The following CSMD1 variants were observed in gnomAD, a reference collection of about 807,000 sequenced individuals.
CSMD1 encodes the protein CUB and sushi domain-containing protein 1.
Under a neutral mutation model 417.5 loss-of-function variants are expected in CSMD1, and 213 were observed. The ratio of observed to expected loss-of-function variants is 0.51; its 90% CI spans 0.46 to 0.57. The LOEUF is 0.57. Among genes scored for constraint, CSMD1 ranks in the 20% least tolerant of loss-of-function variants. The probability of loss-of-function intolerance (pLI) is 0.00; values close to 1 mark genes in which losing one functional copy is unlikely to be tolerated. For missense variants in CSMD1, 6,923 were observed against 4,529.7 expected, an observed-to-expected ratio of 1.53 and a Z score of -15.17; for synonymous variants, 2,862 against 1,736.8, an observed-to-expected ratio of 1.65 and a Z score of -16.11.
At chr8:3,476,285 T>A (rs1228701248) in intron 11 of CSMD1, among the ~76,000 whole-genome samples, 1 of 152,248 alleles carries the variant, frequency 6.6e-6, no homozygotes, top group Non-Finnish European at 1.5e-5. Flanking sequence ...GTTGTGTGTA[T>A]CAGTAGTTTG....
chr8:4,580,387 T>G (rs1441272962), intron 2 of CSMD1, among the ~76,000 whole-genome samples: 1 of 152,210 alleles, frequency 6.6e-6, no homozygotes, highest in South Asian at 2.1e-4. Context: ...CATCTTCCTT[T>G]GTTGTGTATC....
intron 3 of CSMD1, among the ~76,000 whole-genome samples, chr8:4,418,360 C>T (rs76091103): frequency 0.11 from 16,417 of 152,058 alleles, 1,054 homozygotes; most frequent in East Asian, 0.2. Context: ...CTATTTTCTT[C>T]ATTATACCAT....
chr8:4,387,693 A>G (rs1475366012), intron 3 of CSMD1, among the ~76,000 whole-genome samples: 1 of 151,888 alleles, frequency 6.6e-6, no homozygotes, highest in Non-Finnish European at 1.5e-5. Flanking sequence ...ACAAAGAGAC[A>G]GCCTTGAGGC....
chr8:3,668,767 C>A (rs967708976), intron 7 of CSMD1, among the ~76,000 whole-genome samples: 1 of 152,146 alleles, frequency 6.6e-6, no homozygotes, highest in South Asian at 2.1e-4. Flanking sequence ...ACTGAACATC[C>A]TGTATCTACT....
At chr8:3,826,800 T>C (rs116065033) in intron 5 of CSMD1, among the ~76,000 whole-genome samples, 5,628 of 152,240 alleles carry the variant, frequency 0.037, 317 homozygotes, top group African/African-American at 0.12. Context: ...TTTTAATATT[T>C]TTTTGAGACA....
intron 5 of CSMD1, among the ~76,000 whole-genome samples, chr8:3,907,510 C>G (rs1462011818): frequency 6.6e-6 from 1 of 152,124 alleles, no homozygotes; most frequent in Non-Finnish European, 1.5e-5. Flanking sequence ...AGTATCATCT[C>G]ACAGAATTGT....
At chr8:4,915,057 T>C (rs995323965) in intron 1 of CSMD1, among the ~76,000 whole-genome samples, 12 of 152,132 alleles carry the variant, frequency 7.9e-5, no homozygotes, top group Admixed American at 1.3e-4. Flanking sequence ...GAATAGAAAT[T>C]GAATTAAATA....
intron 46 of CSMD1, among the ~76,000 whole-genome samples, chr8:3,099,448 G>C (rs1034086839): frequency 1.3e-5 from 2 of 152,092 alleles, no homozygotes; most frequent in African/African-American, 4.8e-5. Flanking sequence ...CCTGACTTTG[G>C]GTCTATTCAT....
rs541016025 is a variant in CSMD1 at position 2,978,028 on chromosome 8, G to T, written c.8566+584C>A. Among the ~76,000 whole-genome samples, 4 of 152,292 alleles carry T rather than the reference G, an allele frequency of 2.6e-5. No individual in the cohort carries two copies. In the East Asian group the frequency reaches 7.7e-4, roughly 29 times the overall value. ...GAAGACAGTGTAGCGATTCCTCAAA[G>T]ACCTAGAATAAGAAATACCATTTGA... On this transcript the variant is annotated intron_variant, in intron 55 of 69. Coordinates refer to ENST00000635120, the MANE Select transcript of CSMD1 (RefSeq NM_033225.6).
At chr8:4,400,339 T>C (rs1022231670) in intron 3 of CSMD1, among the ~76,000 whole-genome samples, 3 of 152,384 alleles carry the variant, frequency 2.0e-5, no homozygotes, top group African/African-American at 4.8e-5. Flanking sequence ...GTTTTGTGTG[T>C]GTTATAAATT....
chr8:4,728,306 T>C (rs1454586184), intron 1 of CSMD1, among the ~76,000 whole-genome samples: 7 of 151,644 alleles, frequency 4.6e-5, no homozygotes, highest in Non-Finnish European at 8.8e-5. Flanking sequence ...TAGGTGTTTA[T>C]ATATTTTAGT....
At position 3,227,274 on chromosome 8, in the gene CSMD1, G is replaced by A. The variant is rs183754343; in HGVS notation, c.4345+2766C>T. Among the ~76,000 whole-genome samples, 1,370 of 151,702 alleles carry A rather than the reference G, an allele frequency of 9.0e-3. 5 individuals carry two copies. The highest frequency in any genetic ancestry group is 0.014 in the Non-Finnish European group (934 of 67,950). On this transcript the variant is annotated intron_variant, in intron 27 of 69. Transcript: ENST00000635120. ...AAATTAGCCGGGCTTGGTGGTGGGCGCCTGTAATCCCAGCTACTTGGGAGG... is the reference window on the plus strand; with the variant it reads ...AAATTAGCCGGGCTTGGTGGTGGGCACCTGTAATCCCAGCTACTTGGGAGG...
intron 3 of CSMD1, among the ~76,000 whole-genome samples, chr8:4,163,313 G>A (rs1379385375): frequency 6.6e-6 from 1 of 152,098 alleles, no homozygotes; most frequent in Non-Finnish European, 1.5e-5. Flanking sequence ...CCACCCAATT[G>A]TCTTCCAAAG....
chr8:3,124,895 C>G (rs1043421053), intron 41 of CSMD1, among the ~76,000 whole-genome samples: 2 of 152,184 alleles, frequency 1.3e-5, no homozygotes, highest in Admixed American at 1.3e-4. Flanking sequence ...CAATTAGTTT[C>G]TTTTTCTATT....
chr8:3,290,410 C>G (rs113348417), intron 25 of CSMD1, among the ~76,000 whole-genome samples: 6,863 of 146,296 alleles, frequency 0.047, 1,536 homozygotes, highest in African/African-American at 0.18. Flanking sequence ...CTATAAGTTA[C>G]CTTGGGCGGT....
At chr8:3,341,083 T>A (rs1203735792) in intron 23 of CSMD1, among the ~76,000 whole-genome samples, 1 of 152,190 alleles carries the variant, frequency 6.6e-6, no homozygotes, top group Non-Finnish European at 1.5e-5. Context: ...GGAAGTGACC[T>A]CAAAACTTCC....
intron 1 of CSMD1, among the ~76,000 whole-genome samples, chr8:4,751,663 T>G (rs557987902): frequency 8.5e-5 from 13 of 152,200 alleles, no homozygotes; most frequent in African/African-American, 2.9e-4. Context: ...AGTGAATTAT[T>G]TTAACATTTT....
chr8:3,344,514 C>G (rs954830357), intron 22 of CSMD1, among the ~76,000 whole-genome samples: 1 of 152,162 alleles, frequency 6.6e-6, no homozygotes, highest in Non-Finnish European at 1.5e-5. Context: ...CCAATAACAA[C>G]AGAGCACTAG....
chr8:4,834,688 G>T (rs1242533345), intron 1 of CSMD1, among the ~76,000 whole-genome samples: 1 of 152,024 alleles, frequency 6.6e-6, no homozygotes, highest in Non-Finnish European at 1.5e-5. Context: ...CAGGTGCGGT[G>T]GCTCACTCCT....
Sources: gnomAD v4.1 joint callset for allele counts (sites outside exome capture counted in the v4.1 genomes callset) on GRCh38, gnomAD v4.1.1 for gene constraint, MANE v1.5 for transcripts, NCBI Gene and HGNC (gene_info 2026-07-23, HGNC 2026-07-21) for gene names.